Variants in ZEB2 observed in about 807,000 individuals in gnomAD.
The protein encoded by ZEB2 is zinc finger E-box binding homeobox 2.
Under a neutral mutation model 99.9 loss-of-function variants are expected in ZEB2, and 6 were observed. The observed-to-expected ratio is 0.06, with a 90% CI of 0.03 to 0.12. ZEB2 has a LOEUF of 0.12. ZEB2 is among the 10% of genes least tolerant of loss of function. The pLI, the probability that ZEB2 is intolerant of heterozygous loss-of-function variation, is 1.00. For missense variants in ZEB2, 969 were observed against 1,502.8 expected (o/e 0.64, Z 5.87); for synonymous variants, 517 against 542.5 (o/e 0.95, Z 0.65).
chr2:144,512,186 T>C, intron 2 of ZEB2: 1 of 1,287,158 alleles, frequency 7.8e-7, no homozygotes, highest in Non-Finnish European at 1.0e-6. Flanking sequence ...AAACCTGCAC[T>C]CCCTCTCTCT....
intron 3 of ZEB2, 71 bp downstream of exon 3, chr2:144,429,698 G>T: frequency 6.2e-7 from 1 of 1,609,732 alleles, no homozygotes; most frequent in Non-Finnish European, 8.5e-7. Context: ...TGGGCGATCT[G>T]CTAGGTGGAA....
chr2:144,434,273 G>A (rs1703809730), intron 2 of ZEB2, among the ~76,000 whole-genome samples: 1 of 152,120 alleles, frequency 6.6e-6, no homozygotes, highest in Non-Finnish European at 1.5e-5. Flanking sequence ...ATCGTTCAAT[G>A]CCATCATCAA....
chr2:144,497,898 ATTCTCAACATAT>A (rs1233169384), intron 2 of ZEB2: 1 of 7,754 alleles, frequency 1.3e-4, no homozygotes, highest in East Asian at 5.2e-3. Context: ...TATATATGTC[ATTCTCAACATAT>A]ATATTATATA....
chr2:144,513,834 A>G (rs1193528394), intron 2 of ZEB2: 1 of 1,535,266 alleles, frequency 6.5e-7, no homozygotes, highest in Non-Finnish European at 8.7e-7. Context: ...AGGGGAAAGA[A>G]AAAGGGGGGC....
Position 144,387,620 on chromosome 2 carries a change from A to G in ZEB2, c.*1831T>C, listed in dbSNP as rs1470899272. The G allele has an allele frequency of 6.6e-6, 1 of 152,232 alleles. No homozygotes were observed. Among genetic ancestry groups the G allele is most frequent in the Middle Eastern group, 3.2e-3 (1 of 316 alleles). The allele number at this position is 152,232 out of a possible 1,614,324, so 9.4% of individuals were successfully genotyped here. A position where few individuals can be genotyped will look rare whatever the true frequency, so the allele number is the denominator to read the frequency against. ...TTAAAAAAGGTTACATATTATAAATAACACTGAATAATAGCTGTCTTTTTG... is the reference window on the plus strand; with the variant it reads ...TTAAAAAAGGTTACATATTATAAATGACACTGAATAATAGCTGTCTTTTTG... On this transcript the variant is annotated 3_prime_UTR_variant, in exon 10 of 10. Transcript: ENST00000627532.
At chr2:144,493,524 A>G (rs1286351876) in intron 2 of ZEB2, among the ~76,000 whole-genome samples, 3 of 152,122 alleles carry the variant, frequency 2.0e-5, no homozygotes, top group Admixed American at 1.3e-4. Context: ...TGTTCTTTTC[A>G]TTATATCGAG....
intron 4 of ZEB2, among the ~76,000 whole-genome samples, chr2:144,407,360 A>C (rs1320915654): frequency 6.6e-6 from 1 of 152,228 alleles, no homozygotes; most frequent in Non-Finnish European, 1.5e-5. Context: ...CTTAATAAAG[A>C]ATATGGGCTT....
At chr2:144,408,900 A>G (rs1325172851) in intron 4 of ZEB2, among the ~76,000 whole-genome samples, 2 of 151,456 alleles carry the variant, frequency 1.3e-5, no homozygotes, top group East Asian at 1.9e-4. Flanking sequence ...TCCCTTCCCT[A>G]TGATTTTAGG....
chr2:144,420,485 C>T (rs1703605131), intron 4 of ZEB2, among the ~76,000 whole-genome samples: 1 of 152,088 alleles, frequency 6.6e-6, no homozygotes, highest in Admixed American at 6.5e-5. Context: ...GGATGATCCA[C>T]CCTCATTTTT....
chr2:144,469,580 G>A (rs931525326), intron 2 of ZEB2, among the ~76,000 whole-genome samples: 1 of 152,092 alleles, frequency 6.6e-6, no homozygotes, highest in Non-Finnish European at 1.5e-5. Flanking sequence ...CAAAGGCAGA[G>A]CAGTAAATCA....
At position 144,399,310 on chromosome 2, in the gene ZEB2, C is replaced by T. The variant is rs794727923; in HGVS notation, c.1877G>A (p.Gly626Glu). The T allele has an allele frequency of 9.3e-6, 15 of 1,614,088 alleles. No homozygotes were observed. Among genetic ancestry groups the T allele is most frequent in the Non-Finnish European group, 1.3e-5 (15 of 1,180,016 alleles). The change falls in exon 8 of 10, where the codon GGA (glycine) becomes GAA (glutamate). Residue 626 changes from glycine (G) to glutamate (E), a missense_variant. Transcript: ENST00000627532. This position sits in a 1 kb window ranked among gnomAD's most constrained non-coding sequence, Gnocchi z 5.6. ...PHENIVPNKA[G>E]VFVDNKALLL... ...GAGGGCTTTATTATCAACAAAAACT[C>T]CGGCTTTGTTGGGGACTATGTTTTC...
chr2:144,474,366 A>G (rs1704402401), intron 2 of ZEB2, among the ~76,000 whole-genome samples: 1 of 152,194 alleles, frequency 6.6e-6, no homozygotes, highest in Non-Finnish European at 1.5e-5. Context: ...GCACCTGGTC[A>G]CAAGGCATCA....
At position 144,410,070 on chromosome 2, in the gene ZEB2, C is replaced by A. The variant is rs372663112; in HGVS notation, c.404-5046G>T. 2.1e-4 allele frequency among the ~76,000 whole-genome samples: 32 copies of A among 152,180 alleles called. 1 individual carries two copies. The East Asian group carries it at 4.6e-3, about 22-fold the overall frequency. ...GGGACTACAGGTGCCTGCCACCACG[C>A]CCGGCTAATTTTTCGTATTTTTAGT... On this transcript the variant is annotated intron_variant, in intron 4 of 9. Coordinates refer to ENST00000627532, the MANE Select transcript of ZEB2 (RefSeq NM_014795.4).
chr2:144,435,290 T>C (rs1266328161), intron 2 of ZEB2, among the ~76,000 whole-genome samples: 1 of 152,112 alleles, frequency 6.6e-6, no homozygotes, highest in African/African-American at 2.4e-5. Context: ...ATGTCTCTGC[T>C]GGTAATATGA....
chr2:144,450,402 ATC>A (rs537663994), intron 2 of ZEB2: 62 of 152,320 alleles, frequency 4.1e-4, no homozygotes, highest in African/African-American at 1.4e-3. Context: ...AAAAAAATCA[ATC>A]TCTTTCTCTT....
At chr2:144,440,834 G>A (rs974500491) in intron 2 of ZEB2, among the ~76,000 whole-genome samples, 16 of 151,678 alleles carry the variant, frequency 1.1e-4, no homozygotes, top group Non-Finnish European at 2.1e-4. Context: ...ATAATGTCAC[G>A]ATTCAGAGTA....
chr2:144,402,956 A>C (rs1239847237), intron 6 of ZEB2, among the ~76,000 whole-genome samples: 1 of 152,254 alleles, frequency 6.6e-6, no homozygotes, highest in Non-Finnish European at 1.5e-5. Flanking sequence ...GAAGAAAATG[A>C]AGGTTATAAG....
intron 2 of ZEB2, chr2:144,463,529 A>G (rs901339926): frequency 6.6e-6 from 1 of 152,124 alleles, no homozygotes; most frequent in African/African-American, 2.4e-5. Context: ...AAATAGCACC[A>G]TCTTTATTGA....
intron 2 of ZEB2, among the ~76,000 whole-genome samples, chr2:144,493,381 A>G (rs1404526258): frequency 6.6e-6 from 1 of 152,224 alleles, no homozygotes; most frequent in Non-Finnish European, 1.5e-5. Flanking sequence ...TATAAAACAA[A>G]TACTGCTCCC....
Sources: gnomAD v4.1 joint callset for allele counts (sites outside exome capture counted in the v4.1 genomes callset) on GRCh38, gnomAD v4.1.1 for gene constraint, Gnocchi (gnomAD v3.1) non-coding constraint, MANE v1.5 for transcripts, NCBI Gene and HGNC (gene_info 2026-07-23, HGNC 2026-07-21) for gene names.